The following DNAH12 variants were observed in gnomAD, a reference collection of about 807,000 sequenced individuals.
The protein encoded by DNAH12 is dynein axonemal heavy chain 12.
In DNAH12, 285 loss-of-function variants were observed where a neutral mutation model predicts 371.5. That is an observed-to-expected ratio of 0.77 (90% confidence interval 0.70 to 0.85). The LOEUF is 0.85. DNAH12 is among the 40% of genes least tolerant of loss of function. The pLI is 0.00. For synonymous variants in DNAH12, 1,200 were observed against 1,213.0 expected, an observed-to-expected ratio of 0.99 and a Z score of 0.22; for missense variants, 3,611 against 3,689.4, an observed-to-expected ratio of 0.98 and a Z score of 0.55.
chr3:57,452,125 A>G (rs139623067), intron 25 of DNAH12, among the ~76,000 whole-genome samples: 1 of 152,160 alleles, frequency 6.6e-6, no homozygotes, highest in African/African-American at 2.4e-5. Context: ...TGAGGAGGTA[A>G]GAATTGAGGT....
Position 57,411,526 on chromosome 3 carries a change from C to CAAA in DNAH12, c.6020+2217_6020+2219dup, listed in dbSNP as rs57344840. Among the ~76,000 whole-genome samples, 61 of 39,106 alleles carry CAAA rather than the reference C, an allele frequency of 1.6e-3. 2 individuals carry two copies. The highest frequency in any genetic ancestry group is 1.7e-3 in the Non-Finnish European group (34 of 19,730). 25.7% of individuals were successfully genotyped at this position (39,106 alleles called of 152,430 possible). A position where few individuals can be genotyped will look rare whatever the true frequency, so the allele number is the denominator to read the frequency against. On this transcript the variant is annotated intron_variant, in intron 39 of 73. Transcript: ENST00000495027. ...TGGGTGACAGAGTGAGACACTGTCT[C>CAAA]AAAAAAAAAAAAAAAAAAAAAAAAA...
At chr3:57,440,299 T>C (rs1047445728) in intron 29 of DNAH12, among the ~76,000 whole-genome samples, 3 of 152,140 alleles carry the variant, frequency 2.0e-5, no homozygotes, top group Non-Finnish European at 4.4e-5. Flanking sequence ...AACAGTAGAT[T>C]GAATAAAGCA....
At chr3:57,527,718 A>G (rs2068698074) in intron 2 of DNAH12, among the ~76,000 whole-genome samples, 1 of 152,236 alleles carries the variant, frequency 6.6e-6, no homozygotes, top group East Asian at 1.9e-4. Context: ...ATGAGATTTC[A>G]GTGGGGTCAC....
Position 57,405,125 on chromosome 3 carries a change from T to C in DNAH12, c.6599A>G (p.Asn2200Ser), listed in dbSNP as rs782178991. Reference sequence around the variant, plus strand: ...ATTCATATAATCACCAAACATGAGATTTCTTAAGTCTTCTTCAGTTACCTA... The same window carrying C: ...ATTCATATAATCACCAAACATGAGACTTCTTAAGTCTTCTTCAGTTACCTA... ...NAPVTEEDLR[N>S]LMFGDYMNPD... Residue 2200 changes from asparagine (N) to serine (S), a missense_variant, in exon 42 of 74, where the codon AAT becomes AGT. By Grantham distance (46) the Asn-to-Ser change is conservative. Around this residue, in one of 3 missense-constraint regions of DNAH12, gnomAD observed 2,266 missense variants for 2,236.9 expected, o/e 1.01. Transcript: ENST00000495027. The C allele has an allele frequency of 1.3e-6, 2 of 1,537,002 alleles. No individual in the cohort carries two copies. Among genetic ancestry groups the C allele is most frequent in the Non-Finnish European group, 1.7e-6 (2 of 1,143,140 alleles).
chr3:57,407,931 G>A (rs13319685), intron 40 of DNAH12, among the ~76,000 whole-genome samples: 1 of 152,162 alleles, frequency 6.6e-6, no homozygotes, highest in Non-Finnish European at 1.5e-5. Context: ...ACAAGTACCA[G>A]AGTAGGAACC....
rs988944478 is a variant in DNAH12, at chr3:57,446,246, C to CAGA, written c.3961_3963dup (p.Ser1321dup). ...AATTCATCAAAGCAAGCCCAAGCAC[C>CAGA]AGAAGAAGCCAGTCCTTTAAAAAAC... On this transcript the variant is annotated inframe_insertion, in exon 27 of 74. Coordinates refer to ENST00000495027, the MANE Select transcript of DNAH12 (RefSeq NM_001366028.2). 8 of 1,551,588 alleles carry CAGA rather than the reference C, an allele frequency of 5.2e-6. No homozygotes were observed. The East Asian group carries it at 1.7e-4, about 33-fold the overall frequency.
chr3:57,542,058 G>C (rs1262993504), intron 2 of DNAH12, among the ~76,000 whole-genome samples: 1 of 148,004 alleles, frequency 6.8e-6, no homozygotes, highest in African/African-American at 2.5e-5. Flanking sequence ...AGAATCGGCT[G>C]TCTAGGAAAT....
In DNAH12 at chr3:57,323,543, G is replaced by A; in HGVS notation, c.10055C>T (p.Thr3352Ile). ...GCAATTTGAATCCAAGTAACTCTTT[G>A]TCAAATCAAATGGTGGAGGCTCTAC... The part of the protein sequence containing the change: ...KFVEPPPFDL[T>I]KSYLDSNCTI... The change falls in exon 63 of 74, where the codon ACA becomes ATA. Residue 3352 changes from threonine (T) to isoleucine (I), a missense_variant. By Grantham distance (89) the Thr-to-Ile change is moderately conservative. Coordinates refer to ENST00000495027, the MANE Select transcript of DNAH12 (RefSeq NM_001366028.2). The A allele has an allele frequency of 6.4e-7, 1 of 1,551,040 alleles. No individual in the cohort carries two copies. Among genetic ancestry groups the A allele is most frequent in the Non-Finnish European group, 8.7e-7 (1 of 1,146,792 alleles).
the DNAH12 span, among the ~76,000 whole-genome samples, chr3:57,554,848 C>G: frequency 6.6e-6 from 1 of 152,058 alleles, no homozygotes; most frequent in African/African-American, 2.4e-5. Context: ...AACTCCTGAC[C>G]TTAGGCGATC....
chr3:57,346,412 G>A (rs1009638785), intron 60 of DNAH12, among the ~76,000 whole-genome samples: 1 of 151,824 alleles, frequency 6.6e-6, no homozygotes, highest in Non-Finnish European at 1.5e-5. Flanking sequence ...GCAAACTCAA[G>A]GGCAATAACA....
chr3:57,448,512 G>A (rs149282765), intron 25 of DNAH12, among the ~76,000 whole-genome samples: 53 of 148,146 alleles, frequency 3.6e-4, no homozygotes, highest in Non-Finnish European at 3.3e-4. Context: ...GTAGGTCTTC[G>A]CAGTGAGTGT....
At chr3:57,301,603 A>G in intron 70 of DNAH12, 132 bp downstream of exon 70, 2 of 1,022,348 alleles carry the variant, frequency 2.0e-6, no homozygotes, top group South Asian at 1.7e-5. Context: ...GCCAACAACT[A>G]ATATCTCCCC....
At chr3:57,314,670 G>A (rs140052672) in intron 65 of DNAH12, 39 bp from the exon 66 acceptor site, 67 of 1,507,218 alleles carry the variant, frequency 4.4e-5, no homozygotes, top group East Asian at 4.2e-4. Flanking sequence ...AAAAAATTCC[G>A]GTCAGATTCC....
At chr3:57,533,174 G>C (rs939496309) in intron 2 of DNAH12, among the ~76,000 whole-genome samples, 5 of 152,072 alleles carry the variant, frequency 3.3e-5, no homozygotes, top group African/African-American at 1.2e-4. Flanking sequence ...AAGGCCCAAG[G>C]GCTCTTCAAT....
At chr3:57,381,172 G>A (rs955969208) in intron 50 of DNAH12, among the ~76,000 whole-genome samples, 4 of 151,978 alleles carry the variant, frequency 2.6e-5, no homozygotes, top group Non-Finnish European at 5.9e-5. Context: ...TACATATATT[G>A]GCAAAAGAGC....
intron 59 of DNAH12, among the ~76,000 whole-genome samples, chr3:57,354,386 A>G (rs2062749040): frequency 6.6e-6 from 1 of 151,998 alleles, no homozygotes; most frequent in Non-Finnish European, 1.5e-5. Flanking sequence ...AAAACTACCT[A>G]TTGGGTACCA....
Position 57,433,502 on chromosome 3 carries a change from A to T in DNAH12, c.4845T>A (p.Thr1615=). The T allele has an allele frequency of 6.5e-7, 1 of 1,549,404 alleles. No individual in the cohort carries two copies. The highest frequency in any genetic ancestry group is 1.4e-5 in the African/African-American group (1 of 73,050). Residue 1615 remains threonine (T), a synonymous_variant, in exon 32 of 74, where the codon ACT becomes ACA. Coordinates refer to ENST00000495027, the MANE Select transcript of DNAH12 (RefSeq NM_001366028.2). ...GQFDPVSHEW[T]DGIVANTFRE... ...TAAAAGTGTTAGCCACAATACCATC[A>T]GTCCACTGAGGAGGAAAAAAAAGAA... is the stretch of plus-strand genomic sequence containing the variant.
chr3:57,294,420 C>T (rs931460207), intron 73 of DNAH12, among the ~76,000 whole-genome samples: 2 of 152,108 alleles, frequency 1.3e-5, no homozygotes, highest in Non-Finnish European at 2.9e-5. Flanking sequence ...CGTGATCTGC[C>T]CGCCTCAGCC....
At chr3:57,324,621 C>G (rs1230081602) in intron 62 of DNAH12, among the ~76,000 whole-genome samples, 1 of 152,162 alleles carries the variant, frequency 6.6e-6, no homozygotes, top group Non-Finnish European at 1.5e-5. Flanking sequence ...CAGCTCCGGT[C>G]TACAGCTCCC....
Sources: allele counts gnomAD v4.1 joint callset (sites outside exome capture counted in the v4.1 genomes callset), GRCh38; gene constraint gnomAD v4.1.1; regional missense constraint gnomAD v4.1.1; transcripts MANE v1.5; gene names NCBI Gene and HGNC (gene_info 2026-07-23, HGNC 2026-07-21).